Variants in MMP8 observed in about 807,000 individuals in gnomAD.
MMP8 encodes neutrophil collagenase.
In MMP8, 67 loss-of-function variants were observed where a neutral mutation model predicts 51.2. That is an observed-to-expected ratio of 1.31 (90% CI 1.08 to 1.60). MMP8 has a LOEUF of 1.60. MMP8 is among the 40% of genes most tolerant of loss of function. The pLI is 0.00. For missense variants in MMP8, 654 were observed against 558.1 expected, an observed-to-expected ratio of 1.17 and a Z score of -1.73; for synonymous variants, 225 against 191.0, an observed-to-expected ratio of 1.18 and a Z score of -1.47.
At chr11:102,714,178 C>T (rs1861211691) in intron 8 of MMP8, among the ~76,000 whole-genome samples, 1 of 152,124 alleles carries the variant, frequency 6.6e-6, no homozygotes, top group African/African-American at 2.4e-5. Flanking sequence ...GATATATAAA[C>T]ATACATAATA....
At chr11:102,723,307 T>C (rs1029520204) in intron 1 of MMP8, among the ~76,000 whole-genome samples, 1 of 152,222 alleles carries the variant, frequency 6.6e-6, no homozygotes. Flanking sequence ...AAATTACCTA[T>C]TTTAAGTTTG....
chr11:102,718,970 C>T (rs1342269209), intron 4 of MMP8, among the ~76,000 whole-genome samples: 1 of 152,148 alleles, frequency 6.6e-6, no homozygotes, highest in East Asian at 1.9e-4. Context: ...CGAGTAGAGT[C>T]CCTGTGAGCA....
At chr11:102,723,971 A>G (rs1229452705) in intron 1 of MMP8, 2 of 301,216 alleles carry the variant, frequency 6.6e-6, no homozygotes, top group East Asian at 1.9e-4. Flanking sequence ...TAATGCTCCA[A>G]TAAGGTTCTT....
In MMP8 at chr11:102,718,507, G is replaced by C. The variant is rs148545029; in HGVS notation, c.691C>G (p.Pro231Ala). ...HSLGLAHSSD[P>A]GALMYPNYAF... ...TAGTTGGGATACATCAAGGCACCAG[G>C]GTCAGAGGAGTGAGCGAGCCCCAAA... is the stretch of plus-strand genomic sequence containing the variant. The change falls in exon 5 of 10, where the codon CCT becomes GCT. Residue 231 changes from proline to alanine, a missense_variant. Coordinates refer to ENST00000236826, the MANE Select transcript of MMP8 (RefSeq NM_002424.3). 6.2e-7 allele frequency: 1 copy of C among 1,613,912 alleles called. No individual in the cohort carries two copies. Among genetic ancestry groups the C allele is most frequent in the Non-Finnish European group, 8.5e-7 (1 of 1,179,914 alleles).
Position 102,713,466 on chromosome 11 carries a change from A to C in MMP8, c.1295-9T>G. ...GAAGACATGGAAGAAATCTATAAAA[A>C]AAGAGAGATAATTTATTGAATTAGC... On this transcript the variant is annotated splice_polypyrimidine_tract_variant and intron_variant, in intron 9 of 9. Transcript: ENST00000236826. 4 of 1,586,744 alleles carry C rather than the reference A, an allele frequency of 2.5e-6. No individual in the cohort carries two copies. Among genetic ancestry groups the C allele is most frequent in the Non-Finnish European group, 3.5e-6 (4 of 1,155,438 alleles).
chr11:102,723,140 A>G (rs1302723292), intron 1 of MMP8: 10 of 910,058 alleles, frequency 1.1e-5, no homozygotes, highest in Non-Finnish European at 1.5e-5. Flanking sequence ...TCAGATTTTA[A>G]CTCACCATGT....
rs751481811 is a variant in MMP8, at chr11:102,716,423, GAAAA to G, written c.785-8_785-5del. On this transcript the variant is annotated splice_region_variant and splice_polypyrimidine_tract_variant and intron_variant, in intron 5 of 9. Transcript: ENST00000236826. ...TGGATAGGGTTGCTTGAAAGTCCTG[GAAAA>G]AAAAAAAAAAAAAAAAAAAAGGTCT... The G allele has an allele frequency of 0.024, 9,451 of 389,690 alleles. 3 individuals carry two copies. The highest frequency in any genetic ancestry group is 0.061 in the East Asian group (1,113 of 18,314). The allele number at this position is 389,690 out of a possible 1,614,324, so 24.1% of individuals were successfully genotyped here. A position where few individuals can be genotyped will look rare whatever the true frequency, so the allele number is the denominator to read the frequency against.
In MMP8 at chr11:102,722,464, TC is replaced by T; in HGVS notation, c.311del (p.Gly104GlufsTer10). On this transcript the variant is annotated frameshift_variant, in exon 2 of 10. Transcript: ENST00000236826. LOFTEE classifies it high-confidence loss of function. ...PDSGGFMLTP[G>X]NPKWERTNLT... ...AGTTAGTGCGTTCCCACTTGGGGTT[TC>T]CTGGGGTTAACATAAAACCACCACT... 6.2e-7 allele frequency: 1 copy of T among 1,613,848 alleles called. No homozygotes were observed. Among genetic ancestry groups the T allele is most frequent in the South Asian group, 1.1e-5 (1 of 91,082 alleles).
chr11:102,716,972 G>A (rs1352742614), intron 5 of MMP8, among the ~76,000 whole-genome samples: 2 of 152,140 alleles, frequency 1.3e-5, no homozygotes, highest in African/African-American at 4.8e-5. Flanking sequence ...GGGTGGGCAG[G>A]AGGAAGAAAT....
chr11:102,717,269 G>A (rs959691744), intron 5 of MMP8, among the ~76,000 whole-genome samples: 30 of 152,194 alleles, frequency 2.0e-4, no homozygotes, highest in African/African-American at 6.3e-4. Context: ...AGAAGGGCAA[G>A]CGTGAAGAGA....
In MMP8 at chr11:102,721,541, T is replaced by G; in HGVS notation, c.497-15A>C. On this transcript the variant is annotated splice_polypyrimidine_tract_variant and intron_variant, in intron 3 of 9. Transcript: ENST00000236826. The stretch of plus-strand genomic sequence containing the variant: ...GTCACCGTGATCTGAAATAAGAACA[T>G]TTGTATTAGATCCTTGCCAAGTTTC... 6.2e-7 allele frequency: 1 copy of G among 1,613,740 alleles called. No homozygotes were observed. Among genetic ancestry groups the G allele is most frequent in the Non-Finnish European group, 8.5e-7 (1 of 1,179,774 alleles).
Position 102,713,253 on chromosome 11 carries a change from TGA to T in MMP8, c.*93_*94del. On this transcript the variant is annotated 3_prime_UTR_variant, in exon 10 of 10. Transcript: ENST00000236826. ...GTGATGGGAAACAATGACTTAATAT[TGA>T]GAAAAGTATAAGCAGGACACAATGT... The T allele has an allele frequency of 1.2e-6, 1 of 800,802 alleles. No homozygotes were observed. Among genetic ancestry groups the T allele is most frequent in the Non-Finnish European group, 2.1e-6 (1 of 466,540 alleles). The allele number at this position is 800,802 out of a possible 1,614,324, so 49.6% of individuals were successfully genotyped here.
chr11:102,715,254 C>A (rs1406276434), intron 7 of MMP8, 50 bp downstream of exon 7: 1 of 1,568,358 alleles, frequency 6.4e-7, no homozygotes, highest in Non-Finnish European at 8.6e-7. Flanking sequence ...GAAGTCCTGC[C>A]CCCTCCCTTC....
rs190534339 is a variant in MMP8 at position 102,715,735 on chromosome 11, T to C, written c.903-298A>G. Reference sequence around the variant, plus strand: ...AATCTTACTTTGTAGCATCTTTCATTATTGCTCCCAGTAAATGCTGTGAAC... The same window carrying C: ...AATCTTACTTTGTAGCATCTTTCATCATTGCTCCCAGTAAATGCTGTGAAC... On this transcript the variant is annotated intron_variant, in intron 6 of 9. Coordinates refer to ENST00000236826, the MANE Select transcript of MMP8 (RefSeq NM_002424.3). Among the ~76,000 whole-genome samples the C allele has an allele frequency of 3.7e-4, 56 of 152,340 alleles. No individual in the cohort carries two copies. The East Asian group carries it at 0.01, about 27-fold the overall frequency.
chr11:102,717,968 G>A (rs1005266547), intron 5 of MMP8, among the ~76,000 whole-genome samples: 4 of 152,108 alleles, frequency 2.6e-5, no homozygotes, highest in African/African-American at 9.7e-5. Context: ...TTAGCCAAGT[G>A]TGGTGGTGGG....
rs1239345827 is a variant in MMP8, at chr11:102,713,436, C to T, written c.1316G>A (p.Gly439Glu). The stretch of plus-strand genomic sequence containing the variant: ...AAGATCAAATGCGTAATATCTTGGT[C>T]CACTGAAGACATGGAAGAAATCTAT... ...QQEHFFHVFS[G>E]PRYYAFDLIA... is the part of the protein sequence containing the mutation. Residue 439 changes from glycine (G) to glutamate (E), a missense_variant, in exon 10 of 10, where the codon GGA (glycine) becomes GAA (glutamate). Transcript: ENST00000236826. 1 of 1,612,430 alleles carries T rather than the reference C, an allele frequency of 6.2e-7. No homozygotes were observed. The highest frequency in any genetic ancestry group is 1.1e-5 in the South Asian group (1 of 91,010).
chr11:102,721,562 GT>G, intron 3 of MMP8, 36 bp from the exon 4 acceptor site: 1 of 1,613,438 alleles, frequency 6.2e-7, no homozygotes, highest in Non-Finnish European at 8.5e-7. Context: ...TCCTTGCCAA[GT>G]TTCAGGTTAG....
In MMP8 at chr11:102,718,369, TC is replaced by T. The variant is rs113256013; in HGVS notation, c.784+44del. 3,089 of 1,567,136 alleles carry T rather than the reference TC, an allele frequency of 2.0e-3. 50 individuals carry two copies. The African/African-American group carries it at 0.036, about 18-fold the overall frequency. On this transcript the variant is annotated intron_variant, in intron 5 of 9. Coordinates refer to ENST00000236826, the MANE Select transcript of MMP8 (RefSeq NM_002424.3). Reference sequence around the variant, plus strand: ...TCAGATTCTGGGAGTGTTCGCCTATTCCCAGGTCCTACCATGTACTATGACT... The same window carrying T: ...TCAGATTCTGGGAGTGTTCGCCTATTCCAGGTCCTACCATGTACTATGACT...
At chr11:102,719,148 T>C (rs1403267438) in intron 4 of MMP8, among the ~76,000 whole-genome samples, 1 of 152,212 alleles carries the variant, frequency 6.6e-6, no homozygotes, top group East Asian at 1.9e-4. Flanking sequence ...CTACCCTTAT[T>C]GCTCTCTTTC....
Sources: allele counts gnomAD v4.1 joint callset (sites outside exome capture counted in the v4.1 genomes callset), GRCh38; gene constraint gnomAD v4.1.1; transcripts MANE v1.5; gene names NCBI Gene and HGNC (gene_info 2026-07-23, HGNC 2026-07-21).